Variants in NOTCH3 observed in about 807,000 individuals in gnomAD.
NOTCH3 encodes notch receptor 3, also known as neurogenic locus notch homolog protein 3.
Under a neutral mutation model 213.3 loss-of-function variants are expected in NOTCH3, and 86 were observed. That is an observed-to-expected ratio of 0.40 (90% CI 0.34 to 0.48). The LOEUF (loss-of-function observed/expected upper bound fraction) is 0.48, where lower values mean the gene tolerates loss of function less well. NOTCH3 is among the 20% of genes least tolerant of loss of function. NOTCH3 has a pLI of 0.57. For missense variants in NOTCH3, 2,783 were observed against 3,272.6 expected (o/e 0.85, Z 3.65); for synonymous variants, 1,354 against 1,355.9 (o/e 1.00, Z 0.03).
Position 15,189,074 on chromosome 19 carries a change from A to G in NOTCH3, c.1293T>C (p.Asp431=), listed in dbSNP as rs2145436227. 2.5e-6 allele frequency: 4 copies of G among 1,613,176 alleles called. No individual in the cohort carries two copies. The highest frequency in any genetic ancestry group is 3.4e-6 in the Non-Finnish European group (4 of 1,180,032). Reference sequence around the variant, plus strand: ...AGGGCCCCGACAGACACTCGTTGACATCGGTCTCACAGCGAGGTCCAGTGT... The same window carrying G: ...AGGGCCCCGACAGACACTCGTTGACGTCGGTCTCACAGCGAGGTCCAGTGT... ...RGYTGPRCET[D]VNECLSGPCR... The change falls in exon 8 of 33, where the codon GAT becomes GAC. Residue 431 remains aspartate, a synonymous_variant. Transcript: ENST00000263388.
At position 15,187,187 on chromosome 19, in the gene NOTCH3, G is replaced by A. The variant is rs1246240285; in HGVS notation, c.1758C>T (p.Cys586=). The change falls in exon 11 of 33, where the codon TGC becomes TGT. Residue 586 remains cysteine (C), a synonymous_variant. Transcript: ENST00000263388. ...CGCCATGGCGGCAGGGCTGGCTGCG[G>A]CATTCGTCCACCTGGCTCTCGCAGC... ...GTRCESQVDE[C]RSQPCRHGGK... 3.1e-6 allele frequency: 5 copies of A among 1,614,054 alleles called. No individual in the cohort carries two copies. The highest frequency in any genetic ancestry group is 3.4e-6 in the Non-Finnish European group (4 of 1,180,014).
chr19:15,173,101 CTTCTTTTTTT>C (rs1568351342), intron 25 of NOTCH3, among the ~76,000 whole-genome samples: 1 of 49,032 alleles, frequency 2.0e-5, no homozygotes, highest in African/African-American at 2.1e-4. Context: ...TCTTCTTCTT[CTTCTTTTTTT>C]TTTTTTTTTT....
intron 16 of NOTCH3, among the ~76,000 whole-genome samples, chr19:15,182,506 CAAA>C (rs71168595): frequency 2.1e-5 from 3 of 141,546 alleles, no homozygotes. Flanking sequence ...GAACTTGTCT[CAAA>C]AAAAAAAAAG....
chr19:15,184,151 C>T (rs2046862284), intron 16 of NOTCH3, 144 bp downstream of exon 16: 4 of 836,928 alleles, frequency 4.8e-6, no homozygotes, highest in South Asian at 3.1e-5. Flanking sequence ...ACTCAACCTC[C>T]TCGGGCCTCA....
chr19:15,200,025 G>T (rs1467926675), intron 1 of NOTCH3, among the ~76,000 whole-genome samples: 1 of 141,698 alleles, frequency 7.1e-6, no homozygotes, highest in African/African-American at 2.6e-5. Context: ...TGTCCCGAGC[G>T]GGGGAGGGGA....
chr19:15,199,064 G>C (rs2145454074), intron 1 of NOTCH3, among the ~76,000 whole-genome samples: 1 of 152,354 alleles, frequency 6.6e-6, no homozygotes, highest in East Asian at 1.9e-4. Flanking sequence ...ACCAGGACCT[G>C]TGGGTGTTCG....
In NOTCH3 at chr19:15,161,291, C is replaced by T. The variant is rs2046639944; in HGVS notation, c.6337G>A (p.Gly2113Arg). The change falls in exon 33 of 33, where the codon GGG becomes AGG. Residue 2113 changes from glycine (G) to arginine (R), a missense_variant. By Grantham distance (125) the Gly-to-Arg change is moderately radical (BLOSUM62 -2). Coordinates refer to ENST00000263388, the MANE Select transcript of NOTCH3 (RefSeq NM_000435.3). ...DSLDSPRPFG[G>R]PPASPGGFPL... The stretch of plus-strand genomic sequence containing the variant: ...AAGCCACCAGGGGAAGCAGGGGGCC[C>T]ACCGAAAGGCCGCGGGGAGTCCAGC... 6.5e-7 allele frequency: 1 copy of T among 1,535,004 alleles called. No individual in the cohort carries two copies.
intron 6 of NOTCH3, among the ~76,000 whole-genome samples, chr19:15,191,145 T>A (rs2046923572): frequency 6.6e-6 from 1 of 152,144 alleles, no homozygotes; most frequent in South Asian, 2.1e-4. Flanking sequence ...GCTACTCTCG[T>A]GCCTTAGCCT....
rs1285584068 is a variant in NOTCH3 at position 15,180,732 on chromosome 19, G to A, written c.3091C>T (p.Arg1031Cys). The A allele has an allele frequency of 1.3e-6, 2 of 1,575,844 alleles. No individual in the cohort carries two copies. The highest frequency in any genetic ancestry group is 1.7e-6 in the Non-Finnish European group (2 of 1,161,330). The change falls in exon 19 of 33, where the codon CGC becomes TGC. Residue 1031 changes from arginine (R) to cysteine (C), a missense_variant. Physicochemically the swap from Arg to Cys is radical, Grantham distance 180 (BLOSUM62 -3). This residue lies in a region of NOTCH3 where 861 missense variants were observed against 909.1 expected (regional missense o/e 0.95). Coordinates refer to ENST00000263388, the MANE Select transcript of NOTCH3 (RefSeq NM_000435.3). Reference protein sequence around the residue: ...YCLCPPGWSGRLCDIRSLPCR... With the variant: ...YCLCPPGWSGCLCDIRSLPCR... ...GGCAAGCTTCGGATGTCACAGAGGC[G>A]TCCGCTCCATCCAGGGGGACAAAGG...
At chr19:15,189,247 T>C (rs779564505) in intron 7 of NOTCH3, 26 bp downstream of exon 7, 34 of 1,613,878 alleles carry the variant, frequency 2.1e-5, no homozygotes, top group Non-Finnish European at 2.9e-5. Flanking sequence ...TCCCAGCCCA[T>C]TCACAGACGA....
rs188954009 is a variant in NOTCH3 at position 15,193,740 on chromosome 19, C to T, written c.198-1221G>A. Among the ~76,000 whole-genome samples the T allele has an allele frequency of 1.8e-3, 250 of 141,262 alleles. 3 individuals are homozygous for T. Among genetic ancestry groups the T allele is most frequent in the Non-Finnish European group, 1.6e-3 (109 of 66,194 alleles). The allele number at this position is 141,262 out of a possible 152,430, so 92.7% of individuals were successfully genotyped here. On this transcript the variant is annotated intron_variant, in intron 2 of 32. Transcript: ENST00000263388. ...GAGCCGAAATTGCACCACTGCACTC[C>T]AGCCTGGTTGACAGAGGGAGACTCC...
chr19:15,180,885 CTG>C (rs1380021724), intron 18 of NOTCH3, 57 bp from the exon 19 acceptor site: 4 of 1,602,298 alleles, frequency 2.5e-6, no homozygotes, highest in South Asian at 2.2e-5. Flanking sequence ...CTGGGAGAAA[CTG>C]TGCCCCGACT....
chr19:15,161,567 C>G lies in NOTCH3; in HGVS notation c.6061G>C (p.Val2021Leu), dbSNP rs199620476. ...CCACTGGGTTGATCCAGCAAGCGCACGATGTCCTGGTGCAGTCTCTCCTGG... is the reference window on the plus strand; with the variant it reads ...CCACTGGGTTGATCCAGCAAGCGCAGGATGTCCTGGTGCAGTCTCTCCTGG... ...VAQERLHQDIVRLLDQPSGPR... is the reference protein window; with the variant it reads ...VAQERLHQDILRLLDQPSGPR... The change falls in exon 33 of 33, where the codon GTG (valine) becomes CTG (leucine). Residue 2021 changes from valine (V) to leucine (L), a missense_variant. Coordinates refer to ENST00000263388, the MANE Select transcript of NOTCH3 (RefSeq NM_000435.3). 6.2e-7 allele frequency: 1 copy of G among 1,609,996 alleles called. No homozygotes were observed. The highest frequency in any genetic ancestry group is 8.5e-7 in the Non-Finnish European group (1 of 1,178,400).
chr19:15,167,111 A>G, intron 29 of NOTCH3, 138 bp downstream of exon 29: 1 of 899,670 alleles, frequency 1.1e-6, no homozygotes, highest in East Asian at 2.4e-5. Flanking sequence ...CTTCCAACCA[A>G]GAGTGTTGCT....
At position 15,162,790 on chromosome 19, in the gene NOTCH3, TGTGC is replaced by T. The variant is rs55790175; in HGVS notation, c.5816-232_5816-229del. On this transcript the variant is annotated intron_variant, in intron 31 of 32. Coordinates refer to ENST00000263388, the MANE Select transcript of NOTCH3 (RefSeq NM_000435.3). ...GTGTGTGTTTGTGTGTGTGTGTGTGTGTGCGTGCATGTGCATGACTGTTTATACA... is the reference window on the plus strand; with the variant it reads ...GTGTGTGTTTGTGTGTGTGTGTGTGTGTGCATGTGCATGACTGTTTATACA... Among the ~76,000 whole-genome samples the T allele has an allele frequency of 0.32, 19,181 of 60,544 alleles. 1,220 individuals carry two copies. Among genetic ancestry groups the T allele is most frequent in the Middle Eastern group, 0.49 (69 of 140 alleles). 39.7% of individuals were successfully genotyped at this position (60,544 alleles called of 152,430 possible). A position where few individuals can be genotyped will look rare whatever the true frequency, so the allele number is the denominator to read the frequency against.
Position 15,185,167 on chromosome 19 carries a change from C to T in NOTCH3, c.2296+90G>A. On this transcript the variant is annotated intron_variant, in intron 14 of 32. Coordinates refer to ENST00000263388, the MANE Select transcript of NOTCH3 (RefSeq NM_000435.3). This position sits in a 1 kb window ranked among gnomAD's most constrained non-coding sequence, Gnocchi z 4.2. ...GAAATGATTGAAAGCAAAAAAGAAG[C>T]TAACATAGCGGGAGGAGAGAGTAGA... is the stretch of plus-strand genomic sequence containing the variant. 2.0e-6 allele frequency: 3 copies of T among 1,532,948 alleles called. No homozygotes were observed. The highest frequency in any genetic ancestry group is 2.3e-5 in the East Asian group (1 of 44,070). 95.0% of individuals were successfully genotyped at this position (1,532,948 alleles called of 1,614,324 possible).
Position 15,161,264 on chromosome 19 carries a change from G to T in NOTCH3, c.6364C>A (p.Pro2122Thr). 1.3e-6 allele frequency: 2 copies of T among 1,545,254 alleles called. No individual in the cohort carries two copies. The highest frequency in any genetic ancestry group is 8.7e-7 in the Non-Finnish European group (1 of 1,148,726). Residue 2122 changes from proline to threonine, a missense_variant, in exon 33 of 33, where the codon CCC (proline) becomes ACC (threonine). By Grantham distance (38) the Pro-to-Thr change is conservative (BLOSUM62 -1). Transcript: ENST00000263388. The part of the protein sequence containing the change: ...GGPPASPGGF[P>T]LEGPYAAATA... ...GCAGCTGCATAGGGCCCCTCAAGGGGGAAGCCACCAGGGGAAGCAGGGGGC... is the reference window on the plus strand; with the variant it reads ...GCAGCTGCATAGGGCCCCTCAAGGGTGAAGCCACCAGGGGAAGCAGGGGGC...
intron 31 of NOTCH3, among the ~76,000 whole-genome samples, chr19:15,164,369 G>A (rs1055925962): frequency 4.0e-5 from 6 of 151,802 alleles, no homozygotes; most frequent in Non-Finnish European, 7.4e-5. Context: ...GCGAAACCCC[G>A]TCTCTACTAA....
At chr19:15,178,997 C>T (rs2145417233) in intron 22 of NOTCH3, 28 bp downstream of exon 22, 4 of 1,614,148 alleles carry the variant, frequency 2.5e-6, no homozygotes, top group Non-Finnish European at 3.4e-6. Context: ...AGGCGGGGTC[C>T]CAGGCCAGCC....
Sources: allele counts gnomAD v4.1 joint callset (sites outside exome capture counted in the v4.1 genomes callset), GRCh38; gene constraint gnomAD v4.1.1; regional missense constraint gnomAD v4.1.1; non-coding constraint Gnocchi (gnomAD v3.1); transcripts MANE v1.5; gene names NCBI Gene and HGNC (gene_info 2026-07-23, HGNC 2026-07-21).